Variants in MAP4 observed in about 807,000 individuals in gnomAD.
MAP4 encodes microtubule associated protein 4.
A neutral mutation model predicts 170.2 loss-of-function variants in MAP4; 76 were observed. That is an observed-to-expected ratio of 0.45 (90% CI 0.37 to 0.54). MAP4 has a LOEUF of 0.54. MAP4 is among the 20% of genes least tolerant of loss of function. The pLI is 0.00. For synonymous variants in MAP4, 909 were observed against 994.5 expected (o/e 0.91, Z 1.62); for missense variants, 2,506 against 2,748.0 (o/e 0.91, Z 1.97).
At chr3:47,977,707 A>G (rs2100082976) in intron 3 of MAP4, among the ~76,000 whole-genome samples, 158 bp downstream of exon 3, 1 of 152,230 alleles carries the variant, frequency 6.6e-6, no homozygotes, top group Non-Finnish European at 1.5e-5. Context: ...GAGATTTTAC[A>G]TGGCAATGTC....
intron 1 of MAP4, among the ~76,000 whole-genome samples, chr3:48,080,804 C>T (rs369336897): frequency 1.7e-4 from 26 of 152,242 alleles, no homozygotes; most frequent in African/African-American, 6.0e-4. Flanking sequence ...CATGGGGAAA[C>T]TCTGTCTCTA....
chr3:47,973,715 G>C, intron 3 of MAP4: 1 of 985,364 alleles, frequency 1.0e-6, no homozygotes, highest in African/African-American at 1.7e-5. Flanking sequence ...ACAGGGACTG[G>C]TTACGAGCAA....
intron 3 of MAP4, among the ~76,000 whole-genome samples, chr3:47,952,926 AAAAT>A (rs890318468): frequency 2.0e-5 from 3 of 152,024 alleles, no homozygotes; most frequent in Middle Eastern, 3.4e-3. Context: ...TCCATCTCAA[AAAAT>A]AAATAAAATA....
intron 10 of MAP4, among the ~76,000 whole-genome samples, chr3:47,885,526 T>C (rs1413551600): frequency 1.3e-5 from 2 of 152,324 alleles, no homozygotes; most frequent in Non-Finnish European, 2.9e-5. Flanking sequence ...GACTATTTAG[T>C]TGTATTTACA....
chr3:47,879,583 T>C (rs898721915), intron 10 of MAP4, among the ~76,000 whole-genome samples: 2 of 152,178 alleles, frequency 1.3e-5, no homozygotes, highest in African/African-American at 4.8e-5. Flanking sequence ...CCACAGAGCC[T>C]ACTCAGATTT....
At chr3:47,949,465 CAAAAAAAAAA>C (rs60076214) in intron 3 of MAP4, among the ~76,000 whole-genome samples, 6 of 70,890 alleles carry the variant, frequency 8.5e-5, no homozygotes, top group African/African-American at 3.0e-4. Context: ...GACTGCGTCC[CAAAAAAAAAA>C]AAAAAAAAAA....
intron 1 of MAP4, among the ~76,000 whole-genome samples, chr3:48,003,074 C>G (rs1414947311): frequency 6.6e-6 from 1 of 151,572 alleles, no homozygotes; most frequent in African/African-American, 2.4e-5. Context: ...AAAATAGCGA[C>G]AAGAGCAAAT....
At chr3:47,928,785 G>A (rs1166092960) in intron 3 of MAP4, among the ~76,000 whole-genome samples, 1 of 149,654 alleles carries the variant, frequency 6.7e-6, no homozygotes, top group Non-Finnish European at 1.5e-5. Flanking sequence ...GAAAGAACAA[G>A]GATAAAACTG....
At chr3:47,928,388 T>G (rs994176616) in intron 3 of MAP4, 38 bp from the exon 4 acceptor site, 1 of 1,606,920 alleles carries the variant, frequency 6.2e-7, no homozygotes, top group Non-Finnish European at 8.5e-7. Flanking sequence ...TACAAGATAT[T>G]ACAGTTTTCT....
intron 3 of MAP4, among the ~76,000 whole-genome samples, chr3:47,954,139 G>A (rs1028480255): frequency 2.0e-5 from 3 of 152,102 alleles, no homozygotes; most frequent in Admixed American, 6.5e-5. Context: ...CCTAGACATG[G>A]GTTGGCAAAC....
chr3:47,869,423 T>A, intron 15 of MAP4, 96 bp from the exon 16 acceptor site: 1 of 806,644 alleles, frequency 1.2e-6, no homozygotes, highest in Non-Finnish European at 2.1e-6. Context: ...CAAATCCAGG[T>A]CAGGCCACCA....
Position 47,912,220 on chromosome 3 carries a change from C to A in MAP4, c.2201G>T (p.Gly734Val), listed in dbSNP as rs1173373237. 1 of 1,536,132 alleles carries A rather than the reference C, an allele frequency of 6.5e-7. No homozygotes were observed. Among genetic ancestry groups the A allele is most frequent in the East Asian group, 2.4e-5 (1 of 40,920 alleles). ...ACTTTTTCTTTGGTTCCCAGGCCCA[C>A]CACAGGAGGATGAACCAGAGACCCA... ...SGWVSGSSSC[G>V]GPGNQRKSIH... The change falls in exon 9 of 21, where the codon GGT becomes GTT. Residue 734 changes from glycine to valine, a missense_variant. Around this residue, in one of 3 missense-constraint regions of MAP4, gnomAD observed 2,008 missense variants for 2,206.0 expected, o/e 0.91. Transcript: ENST00000683076.
upstream of MAP4, among the ~76,000 whole-genome samples, chr3:48,020,696 A>C (rs531010882): frequency 6.6e-6 from 1 of 152,332 alleles, no homozygotes; most frequent in East Asian, 1.9e-4. Context: ...ACAAGTAAAA[A>C]TCTGAATTAA....
chr3:47,895,467 G>A (rs1396857153), intron 10 of MAP4, among the ~76,000 whole-genome samples: 1 of 152,234 alleles, frequency 6.6e-6, no homozygotes, highest in Non-Finnish European at 1.5e-5. Context: ...AGTATCTTCA[G>A]TAACCTTTCT....
At chr3:48,070,344 CCTT>C (rs1039751274) in intron 1 of MAP4, among the ~76,000 whole-genome samples, 12 of 150,884 alleles carry the variant, frequency 8.0e-5, no homozygotes, top group East Asian at 2.0e-4. Flanking sequence ...TTCTTTTTAT[CCTT>C]CTTCTTCTTC....
chr3:47,892,959 C>T, intron 10 of MAP4: 2 of 885,130 alleles, frequency 2.3e-6, no homozygotes, highest in Non-Finnish European at 2.7e-6. Context: ...ATAACCGAGA[C>T]TCATTTGCCA....
At chr3:48,005,475 C>A (rs1390245427) in intron 1 of MAP4, among the ~76,000 whole-genome samples, 1 of 152,118 alleles carries the variant, frequency 6.6e-6, no homozygotes, top group Non-Finnish European at 1.5e-5. Flanking sequence ...TTGGATCAGG[C>A]TGAATTTATT....
intron 3 of MAP4, among the ~76,000 whole-genome samples, chr3:47,956,719 T>A (rs2100068048): frequency 6.6e-6 from 1 of 152,214 alleles, no homozygotes. Context: ...AGGCTCTTAA[T>A]AAGCAAGTTG....
chr3:47,956,127 T>C (rs998250831), intron 3 of MAP4, among the ~76,000 whole-genome samples: 4 of 152,084 alleles, frequency 2.6e-5, no homozygotes, highest in Non-Finnish European at 5.9e-5. Flanking sequence ...ACCTATGTAG[T>C]CTAGCTTGGC....
Sources: gnomAD v4.1 joint callset for allele counts (sites outside exome capture counted in the v4.1 genomes callset) on GRCh38, gnomAD v4.1.1 for gene constraint, gnomAD v4.1.1 regional missense constraint, MANE v1.5 for transcripts, NCBI Gene and HGNC (gene_info 2026-07-23, HGNC 2026-07-21) for gene names.